Variants in C12orf42 observed in about 807,000 individuals in gnomAD.
C12orf42 encodes the protein chromosome 12 open reading frame 42, also known as uncharacterized protein C12orf42.
In C12orf42, 25 loss-of-function variants were observed where a neutral mutation model predicts 21.6. That is an observed-to-expected ratio of 1.16 (90% CI 0.84 to 1.62). The LOEUF (loss-of-function observed/expected upper bound fraction) is 1.62. Ranked by LOEUF, C12orf42 falls within the 40% of genes most tolerant of loss-of-function variation. The probability of loss-of-function intolerance (pLI) is 0.00; values close to 1 mark genes in which losing one functional copy is unlikely to be tolerated. For synonymous variants in C12orf42, 174 were observed against 175.0 expected (o/e 0.99, Z 0.05); for missense variants, 483 against 459.3 (o/e 1.05, Z -0.47).
downstream of C12orf42, among the ~76,000 whole-genome samples, chr12:103,297,604 T>C (rs1453141400): frequency 6.6e-6 from 1 of 152,058 alleles, no homozygotes; most frequent in African/African-American, 2.4e-5. Context: ...ATTCATTTTA[T>C]GAGGCCAGCA....
the C12orf42 span, among the ~76,000 whole-genome samples, chr12:103,062,711 T>G: frequency 6.6e-6 from 1 of 152,216 alleles, no homozygotes; most frequent in African/African-American, 2.4e-5. Flanking sequence ...GTTTTGAGGC[T>G]AGATGTATTT....
the C12orf42 span, chr12:103,506,255 C>T: frequency 6.6e-6 from 1 of 151,940 alleles, no homozygotes; most frequent in East Asian, 2.0e-4. Flanking sequence ...CAAATTTCTG[C>T]AATTTATCTT....
chr12:103,435,866 G>C (rs547997301), intron 2 of C12orf42, among the ~76,000 whole-genome samples: 1 of 151,768 alleles, frequency 6.6e-6, no homozygotes, highest in African/African-American at 2.4e-5. Context: ...ATCTAGCAAG[G>C]CAGGCCAACG....
At chr12:103,052,654 A>C in the C12orf42 span, among the ~76,000 whole-genome samples, 1 of 151,976 alleles carries the variant, frequency 6.6e-6, no homozygotes, top group African/African-American at 2.4e-5. Flanking sequence ...GACGAATAGA[A>C]GTTCTTCATT....
the C12orf42 span, chr12:103,081,363 A>G: frequency 1.3e-5 from 2 of 152,170 alleles, no homozygotes; most frequent in African/African-American, 4.8e-5. Flanking sequence ...ATCTGAACAA[A>G]TTATTCCCTA....
chr12:103,547,523 T>G, the C12orf42 span, among the ~76,000 whole-genome samples: 7 of 152,310 alleles, frequency 4.6e-5, no homozygotes, highest in East Asian at 1.3e-3. Context: ...ACCTTCTGTG[T>G]GCCAGGCATT....
At chr12:103,254,846 A>G (rs142709464) in intron 10 of C12orf42, among the ~76,000 whole-genome samples, 6 of 152,118 alleles carry the variant, frequency 3.9e-5, no homozygotes, top group African/African-American at 1.4e-4. Flanking sequence ...TGATAGGTAC[A>G]GGAAATCACC....
chr12:103,487,937 G>C (rs1476619915), intron 1 of C12orf42, among the ~76,000 whole-genome samples: 4 of 151,954 alleles, frequency 2.6e-5, no homozygotes, highest in Non-Finnish European at 5.9e-5. Flanking sequence ...TTTTAATTGG[G>C]GTATTTAGCC....
chr12:103,381,916 CAAA>C (rs57693837), intron 3 of C12orf42, among the ~76,000 whole-genome samples: 19 of 147,700 alleles, frequency 1.3e-4, no homozygotes, highest in Non-Finnish European at 1.6e-4. Flanking sequence ...GACTCCGTCT[CAAA>C]AAAAAAAAAA....
At chr12:103,071,342 C>T in the C12orf42 span, among the ~76,000 whole-genome samples, 1 of 152,084 alleles carries the variant, frequency 6.6e-6, no homozygotes, top group East Asian at 1.9e-4. Context: ...AATAAATACA[C>T]GCAGAGACTC....
At chr12:103,447,245 C>A (rs1230549057) in intron 2 of C12orf42, among the ~76,000 whole-genome samples, 1 of 151,842 alleles carries the variant, frequency 6.6e-6, no homozygotes, top group Non-Finnish European at 1.5e-5. Flanking sequence ...AATTAAATAA[C>A]CTGCTCCTGA....
chr12:103,189,052 T>C, the C12orf42 span, among the ~76,000 whole-genome samples: 1 of 152,192 alleles, frequency 6.6e-6, no homozygotes, highest in African/African-American at 2.4e-5. Flanking sequence ...TTAAGATAGG[T>C]TTAGTTGAGT....
At chr12:103,460,403 G>T (rs565891401) in intron 2 of C12orf42, among the ~76,000 whole-genome samples, 1 of 152,162 alleles carries the variant, frequency 6.6e-6, no homozygotes, top group Non-Finnish European at 1.5e-5. Context: ...TTGCATGGTC[G>T]CATCAAACTG....
chr12:103,362,741 C>A (rs1413275747), intron 4 of C12orf42, among the ~76,000 whole-genome samples: 2 of 151,964 alleles, frequency 1.3e-5, no homozygotes, highest in East Asian at 3.9e-4. Context: ...ACAGCAGAAG[C>A]AAGAACTTCA....
chr12:103,528,201 G>C, the C12orf42 span, among the ~76,000 whole-genome samples: 1 of 152,186 alleles, frequency 6.6e-6, no homozygotes. Context: ...CATAGATATA[G>C]ATTCTGCTCA....
intron 2 of C12orf42, among the ~76,000 whole-genome samples, chr12:103,465,481 A>G (rs1953048624): frequency 6.6e-6 from 1 of 152,210 alleles, no homozygotes; most frequent in African/African-American, 2.4e-5. Context: ...GTTGCTTATC[A>G]GTGTAAGAAG....
intron 10 of C12orf42, among the ~76,000 whole-genome samples, chr12:103,243,798 G>A (rs1025577605): frequency 6.6e-6 from 1 of 152,132 alleles, no homozygotes; most frequent in African/African-American, 2.4e-5. Context: ...TCAGAAAAAT[G>A]GATGTTGTCC....
At chr12:103,075,371 T>C in the C12orf42 span, among the ~76,000 whole-genome samples, 1 of 152,178 alleles carries the variant, frequency 6.6e-6, no homozygotes, top group Admixed American at 6.5e-5. Flanking sequence ...TAGAATTCGA[T>C]GTAGATCAAG....
chr12:103,320,935 G>A (rs2040025407), intron 4 of C12orf42, among the ~76,000 whole-genome samples: 1 of 152,130 alleles, frequency 6.6e-6, no homozygotes, highest in African/African-American at 2.4e-5. Context: ...GGAAGAATAT[G>A]CATCTTTATG....
Sources: gnomAD v4.1 joint callset for allele counts (sites outside exome capture counted in the v4.1 genomes callset) on GRCh38, gnomAD v4.1.1 for gene constraint, MANE v1.5 for transcripts, NCBI Gene and HGNC (gene_info 2026-07-23, HGNC 2026-07-21) for gene names.